Variants in DLG2 observed in about 807,000 individuals in gnomAD.
The protein encoded by DLG2 is discs large MAGUK scaffold protein 2.
DLG2 carries 45 observed loss-of-function variants against 132.5 expected under a neutral mutation model. That is an observed-to-expected ratio of 0.34 (90% CI 0.27 to 0.44). DLG2 has a LOEUF of 0.44. DLG2 is among the 20% of genes least tolerant of loss of function. The pLI, the probability that DLG2 is intolerant of heterozygous loss-of-function variation, is 1.00. For missense variants in DLG2, 1,045 were observed against 1,196.9 expected, an observed-to-expected ratio of 0.87 and a Z score of 1.87; for synonymous variants, 424 against 419.6, an observed-to-expected ratio of 1.01 and a Z score of -0.13.
At chr11:84,781,057 ATGTGTGTGTGTGTG>A in intron 6 of DLG2, among the ~76,000 whole-genome samples, 1 of 143,036 alleles carries the variant, frequency 7.0e-6, no homozygotes, top group East Asian at 2.1e-4. Flanking sequence ...TCATAACTTA[ATGTGTGTGTGTGTG>A]TGTGTGTGTG....
chr11:85,594,863 C>T (rs376535144), intron 3 of DLG2, among the ~76,000 whole-genome samples: 9 of 151,942 alleles, frequency 5.9e-5, no homozygotes, highest in Middle Eastern at 3.4e-3. Context: ...GTCAGGAGTT[C>T]GAGACCAGTC....
intron 6 of DLG2, among the ~76,000 whole-genome samples, chr11:85,004,659 T>C (rs761732617): frequency 6.6e-5 from 10 of 152,212 alleles, no homozygotes; most frequent in Admixed American, 3.9e-4. Context: ...TCTCCCATTC[T>C]GTAGACTGCC....
intron 3 of DLG2, among the ~76,000 whole-genome samples, chr11:85,579,435 G>A (rs2078370394): frequency 6.6e-6 from 1 of 152,080 alleles, no homozygotes; most frequent in South Asian, 2.1e-4. Context: ...TTAGCCTAAG[G>A]TGCTTCTACA....
At chr11:84,739,797 A>G (rs1027456499) in intron 6 of DLG2, among the ~76,000 whole-genome samples, 3 of 152,174 alleles carry the variant, frequency 2.0e-5, no homozygotes, top group Non-Finnish European at 2.9e-5. Flanking sequence ...ATATAGTAGT[A>G]TGCAAAACTA....
chr11:83,508,623 A>G (rs1044519789), intron 21 of DLG2, among the ~76,000 whole-genome samples: 94 of 151,792 alleles, frequency 6.2e-4, no homozygotes, highest in African/African-American at 2.1e-3. Context: ...CTTCTTAAAC[A>G]TTTTGCACTA....
intron 21 of DLG2, among the ~76,000 whole-genome samples, chr11:83,526,774 C>G (rs1155272): frequency 0.049 from 7,455 of 152,190 alleles, 205 homozygotes; most frequent in Middle Eastern, 0.085. Context: ...TTATTTCATA[C>G]TTATTCTGTA....
rs757401850 is a variant in DLG2, at chr11:83,472,788, A to AAGGAAAGAAAACCACAGTGAACTAAC, written c.2294-37_2294-12dup. 5.6e-6 allele frequency: 9 copies of AAGGAAAGAAAACCACAGTGAACTAAC among 1,610,872 alleles called. No individual in the cohort carries two copies. The highest frequency in any genetic ancestry group is 1.3e-5 in the African/African-American group (1 of 74,736). On this transcript the variant is annotated splice_polypyrimidine_tract_variant and intron_variant, in intron 22 of 27. Coordinates refer to ENST00000376104, the MANE Select transcript of DLG2 (RefSeq NM_001142699.3). ...GGTCTTCTTGTCCTCCTGAGAAGAG[A>AAGGAAAGAAAACCACAGTGAACTAAC]AGGAAAGAAAACCACAGTGAACTAA...
chr11:84,230,512 G>T (rs1374217580), intron 8 of DLG2, among the ~76,000 whole-genome samples: 1 of 152,142 alleles, frequency 6.6e-6, no homozygotes, highest in Non-Finnish European at 1.5e-5. Context: ...ATTTATTCAA[G>T]AATGCATTGA....
intron 4 of DLG2, among the ~76,000 whole-genome samples, chr11:85,226,785 C>G (rs1357438168): frequency 6.6e-6 from 1 of 152,112 alleles, no homozygotes; most frequent in Non-Finnish European, 1.5e-5. Context: ...ATCTCATCAC[C>G]TGAAATTCTG....
At position 84,823,580 on chromosome 11, in the gene DLG2, TCC is replaced by T. The variant is rs1491199162; in HGVS notation, c.357+288079_357+288080del. Among the ~76,000 whole-genome samples, 16 of 94,576 alleles carry T rather than the reference TCC, an allele frequency of 1.7e-4. No homozygotes were observed. The South Asian group carries it at 3.2e-3, about 19-fold the overall frequency. 62.0% of individuals were successfully genotyped at this position (94,576 alleles called of 152,430 possible). The stretch of plus-strand genomic sequence containing the variant: ...CCTGTTAGAATGGGATGGTTGTATA[TCC>T]ACACACACACACACACACACACACA... On this transcript the variant is annotated intron_variant, in intron 6 of 27. Coordinates refer to ENST00000376104, the MANE Select transcript of DLG2 (RefSeq NM_001142699.3).
intron 7 of DLG2, among the ~76,000 whole-genome samples, chr11:84,313,588 A>C: frequency 6.8e-6 from 1 of 147,842 alleles, no homozygotes; most frequent in Non-Finnish European, 1.5e-5. Context: ...AGAGAAAGGA[A>C]GGAAGGAAGG....
At chr11:85,379,033 A>C (rs554529464) in intron 3 of DLG2, among the ~76,000 whole-genome samples, 1 of 152,200 alleles carries the variant, frequency 6.6e-6, no homozygotes, top group Non-Finnish European at 1.5e-5. Context: ...CAAATAATAC[A>C]TAACTTCAGA....
chr11:84,277,887 C>A (rs1236656200), intron 7 of DLG2, among the ~76,000 whole-genome samples: 2 of 151,920 alleles, frequency 1.3e-5, no homozygotes, highest in Non-Finnish European at 2.9e-5. Context: ...ACATGAGGAG[C>A]TAATAAGGAA....
chr11:85,041,905 T>A (rs909095924), intron 6 of DLG2, among the ~76,000 whole-genome samples: 1 of 151,116 alleles, frequency 6.6e-6, no homozygotes, highest in African/African-American at 2.4e-5. Flanking sequence ...GCACACAGAG[T>A]GGTATAATGA....
intron 3 of DLG2, among the ~76,000 whole-genome samples, chr11:85,433,109 G>A (rs2091283965): frequency 6.6e-6 from 1 of 152,122 alleles, no homozygotes; most frequent in South Asian, 2.1e-4. Context: ...TTATCATAGA[G>A]CAAATGCTGA....
At chr11:84,937,516 G>A (rs2048891777) in intron 6 of DLG2, among the ~76,000 whole-genome samples, 3 of 152,116 alleles carry the variant, frequency 2.0e-5, no homozygotes, top group Non-Finnish European at 2.9e-5. Flanking sequence ...ACTTGACAGT[G>A]AGAAGGCAAA....
chr11:84,327,218 G>C (rs998953615), intron 7 of DLG2, among the ~76,000 whole-genome samples: 3 of 150,120 alleles, frequency 2.0e-5, no homozygotes, highest in African/African-American at 7.4e-5. Flanking sequence ...CTGGTAGCAG[G>C]GATTACAGGC....
In DLG2 at chr11:84,197,025, C is replaced by T. The variant is rs1298087992; in HGVS notation, c.574-33514G>A. Among the ~76,000 whole-genome samples, 12 of 107,158 alleles carry T rather than the reference C, an allele frequency of 1.1e-4. No individual in the cohort carries two copies. The East Asian group carries it at 1.4e-3, about 13-fold the overall frequency. 70.3% of individuals were successfully genotyped at this position (107,158 alleles called of 152,430 possible). A position where few individuals can be genotyped will look rare whatever the true frequency, so the allele number is the denominator to read the frequency against. ...GCACTTCAGCCTGGGCAACAGAGTG[C>T]GACTCTTTCTCAAAAAAAAAAAAAA... On this transcript the variant is annotated intron_variant, in intron 8 of 27. Coordinates refer to ENST00000376104, the MANE Select transcript of DLG2 (RefSeq NM_001142699.3).
At chr11:85,601,131 G>T (rs1251216030) in intron 2 of DLG2, among the ~76,000 whole-genome samples, 1 of 152,110 alleles carries the variant, frequency 6.6e-6, no homozygotes, top group African/African-American at 2.4e-5. Flanking sequence ...ATTGATGACT[G>T]TTGAGTATTT....
Sources: gnomAD v4.1 joint callset for allele counts (sites outside exome capture counted in the v4.1 genomes callset) on GRCh38, gnomAD v4.1.1 for gene constraint, MANE v1.5 for transcripts, NCBI Gene and HGNC (gene_info 2026-07-23, HGNC 2026-07-21) for gene names.